CAMTA1: variants seen among roughly 807,000 people sequenced by gnomAD.
CAMTA1 encodes the protein calmodulin-binding transcription activator 1.
In CAMTA1, 27 loss-of-function variants were observed where a neutral mutation model predicts 170.9. The ratio of observed to expected loss-of-function variants is 0.16; its 90% CI spans 0.12 to 0.22. The LOEUF is 0.22. Among genes scored for constraint, CAMTA1 ranks in the 10% least tolerant of loss-of-function variants. The pLI, the probability that CAMTA1 is intolerant of heterozygous loss-of-function variation, is 1.00. For synonymous variants in CAMTA1, 833 were observed against 891.5 expected (o/e 0.93, Z 1.17); for missense variants, 1,619 against 2,217.2 (o/e 0.73, Z 5.42).
chr1:6,881,348 A>G (rs1671510515), intron 3 of CAMTA1, among the ~76,000 whole-genome samples: 2 of 152,172 alleles, frequency 1.3e-5, no homozygotes, highest in African/African-American at 4.8e-5. Context: ...CATGAGGTGA[A>G]TTGAAGGAAG....
intron 3 of CAMTA1, among the ~76,000 whole-genome samples, chr1:6,836,321 C>T (rs1397020781): frequency 6.6e-6 from 1 of 152,106 alleles, no homozygotes; most frequent in Non-Finnish European, 1.5e-5. Flanking sequence ...GGGGTGAATG[C>T]GATGAAATAG....
chr1:7,045,792 G>A (rs1183745518), intron 3 of CAMTA1, among the ~76,000 whole-genome samples: 2 of 152,214 alleles, frequency 1.3e-5, no homozygotes, highest in African/African-American at 4.8e-5. Flanking sequence ...GCTGATACGG[G>A]CTTGGAGTTA....
rs1422120981 is a variant in CAMTA1 at position 7,363,654 on chromosome 1, G to T, written c.439-104176G>T. 2.0e-5 allele frequency among the ~76,000 whole-genome samples: 3 copies of T among 152,294 alleles called. No homozygotes were observed. In the South Asian group the frequency reaches 6.2e-4, roughly 32 times the overall value. ...ACCCTCAGAAGGATTTAAGCCCCGT[G>T]ATTAGCAGGTCTATTTTTGGCCACC... On this transcript the variant is annotated intron_variant, in intron 5 of 22. Transcript: ENST00000303635.
chr1:7,039,090 G>A (rs1171989450), intron 3 of CAMTA1, among the ~76,000 whole-genome samples: 1 of 152,178 alleles, frequency 6.6e-6, no homozygotes, highest in East Asian at 1.9e-4. Flanking sequence ...GTTTCTATAT[G>A]CCAAGGGTCA....
Position 6,971,854 on chromosome 1 carries a change from A to T in CAMTA1, c.235-119450A>T, listed in dbSNP as rs954514274. ...CCAGGTGTGACTTGGCTCCGCTGCC[A>T]TTGGCGTCAGCAAGGCCCGTCAGCC... On this transcript the variant is annotated intron_variant, in intron 3 of 22. Coordinates refer to ENST00000303635, the MANE Select transcript of CAMTA1 (RefSeq NM_015215.4). The surrounding 1 kb of genome is among the most constrained non-coding windows in gnomAD (Gnocchi z 4.6). Among the ~76,000 whole-genome samples, 1 of 152,196 alleles carries T rather than the reference A, an allele frequency of 6.6e-6. No homozygotes were observed. Among genetic ancestry groups the T allele is most frequent in the African/African-American group, 2.4e-5 (1 of 41,436 alleles).
rs532283095 is a variant in CAMTA1, at chr1:7,293,779, T to A, written c.438+44153T>A. On this transcript the variant is annotated intron_variant, in intron 5 of 22. Coordinates refer to ENST00000303635, the MANE Select transcript of CAMTA1 (RefSeq NM_015215.4). The surrounding 1 kb of genome is among the most constrained non-coding windows in gnomAD (Gnocchi z 4.1). ...TCTTGGTTCTTGTAATGTTGCTGCC[T>A]CCCGATGGCTGCCCAGGGTTTCCAG... is the stretch of plus-strand genomic sequence containing the variant. 8.5e-5 allele frequency among the ~76,000 whole-genome samples: 13 copies of A among 152,222 alleles called. No homozygotes were observed. Among genetic ancestry groups the A allele is most frequent in the Non-Finnish European group, 1.9e-4 (13 of 68,038 alleles).
At chr1:7,687,737 C>T (rs988318786) in intron 11 of CAMTA1, among the ~76,000 whole-genome samples, 3 of 152,194 alleles carry the variant, frequency 2.0e-5, no homozygotes, top group Non-Finnish European at 4.4e-5. Context: ...TGGAGATGTC[C>T]CACATCTGTT....
chr1:6,981,921 A>T (rs1274539361), intron 3 of CAMTA1, among the ~76,000 whole-genome samples: 1 of 151,632 alleles, frequency 6.6e-6, no homozygotes, highest in Non-Finnish European at 1.5e-5. Flanking sequence ...GTAGAGGCAG[A>T]GTCTTGCTAT....
chr1:7,347,016 C>T lies in CAMTA1; in HGVS notation c.438+97390C>T, dbSNP rs550123389. 9.8e-5 allele frequency among the ~76,000 whole-genome samples: 15 copies of T among 152,298 alleles called. No individual in the cohort carries two copies. The South Asian group carries it at 3.1e-3, about 32-fold the overall frequency. Reference sequence around the variant, plus strand: ...GGTGACCTGTCCCATATGCCTCAGCCGTTTGGGGACAGCCTCTGAAAGAGC... The same window carrying T: ...GGTGACCTGTCCCATATGCCTCAGCTGTTTGGGGACAGCCTCTGAAAGAGC... On this transcript the variant is annotated intron_variant, in intron 5 of 22. Coordinates refer to ENST00000303635, the MANE Select transcript of CAMTA1 (RefSeq NM_015215.4).
At chr1:7,109,659 C>T (rs993433111) in intron 4 of CAMTA1, among the ~76,000 whole-genome samples, 4 of 152,216 alleles carry the variant, frequency 2.6e-5, no homozygotes, top group African/African-American at 7.2e-5. Context: ...GTGCAATCTG[C>T]AAAGAGACAT....
At chr1:7,051,484 T>C (rs1706347149) in intron 3 of CAMTA1, among the ~76,000 whole-genome samples, 1 of 152,228 alleles carries the variant, frequency 6.6e-6, no homozygotes, top group South Asian at 2.1e-4. Context: ...CTCTGGTTCC[T>C]CTTGGCCCTT....
At chr1:7,353,661 T>G (rs1352253081) in intron 5 of CAMTA1, among the ~76,000 whole-genome samples, 6 of 152,140 alleles carry the variant, frequency 3.9e-5, no homozygotes, top group Non-Finnish European at 8.8e-5. Context: ...TGACCTCAGG[T>G]GATCCACCTG....
chr1:7,398,624 G>T (rs2089634657), intron 5 of CAMTA1, among the ~76,000 whole-genome samples: 1 of 151,902 alleles, frequency 6.6e-6, no homozygotes, highest in South Asian at 2.1e-4. Context: ...ATAAGTTGGT[G>T]GAATAAATCT....
In CAMTA1 at chr1:7,173,020, G is replaced by A. The variant is rs1466318157; in HGVS notation, c.303-76471G>A. 6.6e-6 allele frequency among the ~76,000 whole-genome samples: 1 copy of A among 152,202 alleles called. No homozygotes were observed. Among genetic ancestry groups the A allele is most frequent in the Non-Finnish European group, 1.5e-5 (1 of 68,042 alleles). On this transcript the variant is annotated intron_variant, in intron 4 of 22. Coordinates refer to ENST00000303635, the MANE Select transcript of CAMTA1 (RefSeq NM_015215.4). The surrounding 1 kb of genome is among the most constrained non-coding windows in gnomAD (Gnocchi z 5.4). Reference sequence around the variant, plus strand: ...TGGGCTGGCTGTGTCCATCCATCCCGTGCTGGAGCGTGGCTGGGGACAGGC... The same window carrying A: ...TGGGCTGGCTGTGTCCATCCATCCCATGCTGGAGCGTGGCTGGGGACAGGC...
At chr1:7,678,643 G>A (rs6692604) in intron 11 of CAMTA1, among the ~76,000 whole-genome samples, 1,807 of 152,328 alleles carry the variant, frequency 0.012, 17 homozygotes, top group Middle Eastern at 0.02. Flanking sequence ...CAGTACACTG[G>A]GGATGCGGTA....
chr1:6,936,318 A>T (rs1685299103), intron 3 of CAMTA1, among the ~76,000 whole-genome samples: 2 of 152,160 alleles, frequency 1.3e-5, no homozygotes, highest in African/African-American at 4.8e-5. Context: ...ATATGGTGGG[A>T]TTTAGTACAA....
At chr1:7,690,505 G>A (rs2096298802) in intron 11 of CAMTA1, among the ~76,000 whole-genome samples, 1 of 152,246 alleles carries the variant, frequency 6.6e-6, no homozygotes, top group Non-Finnish European at 1.5e-5. Flanking sequence ...AGAAGAGCTG[G>A]TGACATCCTG....
chr1:7,704,272 G>A (rs1223222477), intron 11 of CAMTA1, among the ~76,000 whole-genome samples: 1 of 146,092 alleles, frequency 6.8e-6, no homozygotes, highest in Admixed American at 6.8e-5. Context: ...GGCAGGGCGG[G>A]CGCGGGGCGG....
At chr1:7,122,279 C>T (rs139847638) in intron 4 of CAMTA1, among the ~76,000 whole-genome samples, 1 of 152,192 alleles carries the variant, frequency 6.6e-6, no homozygotes, top group African/African-American at 2.4e-5. Context: ...TTTATTGGGA[C>T]ATGCCAGATT....
Sources: allele counts gnomAD v4.1 joint callset (sites outside exome capture counted in the v4.1 genomes callset), GRCh38; gene constraint gnomAD v4.1.1; non-coding constraint Gnocchi (gnomAD v3.1); transcripts MANE v1.5; gene names NCBI Gene and HGNC (gene_info 2026-07-23, HGNC 2026-07-21).